The following CDC34 variants were observed in gnomAD, a reference collection of about 807,000 sequenced individuals.
CDC34 encodes cell division cycle 34, ubiquitin conjugating enzyme, also known as ubiquitin-conjugating enzyme E2 R1.
Under a neutral mutation model 26.8 loss-of-function variants are expected in CDC34, and 18 were observed. The ratio of observed to expected loss-of-function variants is 0.67; its 90% confidence interval spans 0.47 to 1.00. The LOEUF is 1.00. Ranked by LOEUF, CDC34 falls within the 50% of genes least tolerant of loss-of-function variation. CDC34 has a pLI of 0.00. For missense variants in CDC34, 280 were observed against 334.5 expected, an observed-to-expected ratio of 0.84 and a Z score of 1.27; for synonymous variants, 178 against 147.5, an observed-to-expected ratio of 1.21 and a Z score of -1.50.
chr19:541,521 A>G lies in CDC34; in HGVS notation c.680A>G (p.Asp227Gly). The change falls in exon 5 of 5, where the codon GAT (aspartate) becomes GGT (glycine). Residue 227 changes from aspartate (D) to glycine (G), a missense_variant. Asp to Gly is a moderately conservative substitution (Grantham distance 94, BLOSUM62 -1). Coordinates refer to ENST00000215574, the MANE Select transcript of CDC34 (RefSeq NM_004359.2). ...EEEADSCFGD[D>G]EDDSGTEES Reference sequence around the variant, plus strand: ...GAGGCCGACAGCTGCTTCGGGGACGATGAGGATGACTCTGGCACGGAGGAG... The same window carrying G: ...GAGGCCGACAGCTGCTTCGGGGACGGTGAGGATGACTCTGGCACGGAGGAG... 6.2e-7 allele frequency: 1 copy of G among 1,606,456 alleles called. No homozygotes were observed. The highest frequency in any genetic ancestry group is 8.5e-7 in the Non-Finnish European group (1 of 1,175,610).
chr19:533,363 C>T (rs1979585747), intron 1 of CDC34, among the ~76,000 whole-genome samples: 1 of 152,224 alleles, frequency 6.6e-6, no homozygotes, highest in Admixed American at 6.5e-5. Context: ...TGTCTGCTCT[C>T]CGAGCTAATT....
chr19:541,648 C>T lies in CDC34; in HGVS notation c.*96C>T, dbSNP rs1980024210. The T allele has an allele frequency of 7.4e-7, 1 of 1,357,536 alleles. No homozygotes were observed. Among genetic ancestry groups the T allele is most frequent in the Non-Finnish European group, 9.8e-7 (1 of 1,015,626 alleles). 84.1% of individuals were successfully genotyped at this position (1,357,536 alleles called of 1,614,324 possible). ...CCTCACGGAGGTTTTGTGCTGGTCC[C>T]CGTCTCCTCTGGTTGTTTCGTTTTG... On this transcript the variant is annotated 3_prime_UTR_variant, in exon 5 of 5. Coordinates refer to ENST00000215574, the MANE Select transcript of CDC34 (RefSeq NM_004359.2).
In CDC34 at chr19:536,228, C is replaced by T. The variant is rs372864316; in HGVS notation, c.265-15C>T. The T allele has an allele frequency of 2.5e-6, 4 of 1,595,760 alleles. No individual in the cohort carries two copies. The highest frequency in any genetic ancestry group is 2.6e-6 in the Non-Finnish European group (3 of 1,170,474). ...TGACCTCTGACCTGTTCTGACCTGT[C>T]TTCTTCTTGTGCAGACGGGGGACGT... is the stretch of plus-strand genomic sequence containing the variant. On this transcript the variant is annotated splice_polypyrimidine_tract_variant and intron_variant, in intron 2 of 4. Transcript: ENST00000215574.
At position 538,768 on chromosome 19, in the gene CDC34, G is replaced by A. The variant is rs886569086; in HGVS notation, c.497+1621G>A. ...TCGGGGCAGCATCCTGGTGCTGGGC[G>A]GTCTCGGCTCTGAGCAGCCATGGTG... is the stretch of plus-strand genomic sequence containing the variant. On this transcript the variant is annotated intron_variant, in intron 4 of 4. Transcript: ENST00000215574. 1.6e-5 allele frequency: 16 copies of A among 985,276 alleles called. No individual in the cohort carries two copies. In the East Asian group the frequency reaches 6.8e-4, roughly 42 times the overall value. The allele number at this position is 985,276 out of a possible 1,614,324, so 61.0% of individuals were successfully genotyped here. A position where few individuals can be genotyped will look rare whatever the true frequency, so the allele number is the denominator to read the frequency against.
rs59769036 is a variant in CDC34, at chr19:537,647, C to T, written c.497+500C>T. The stretch of plus-strand genomic sequence containing the variant: ...GATTACAGGCGTGAGCCACCGCGGC[C>T]GGCCTTTTTTTTTTTTTTTTTTTTT... On this transcript the variant is annotated intron_variant, in intron 4 of 4. Transcript: ENST00000215574. Among the ~76,000 whole-genome samples the T allele has an allele frequency of 1.5e-3, 112 of 74,830 alleles. 1 individual carries two copies. The East Asian group carries it at 0.056, about 38-fold the overall frequency. The allele number at this position is 74,830 out of a possible 152,430, so 49.1% of individuals were successfully genotyped here.
chr19:537,688 C>G (rs1267991243), intron 4 of CDC34, among the ~76,000 whole-genome samples: 1 of 99,138 alleles, frequency 1.0e-5, no homozygotes, highest in Non-Finnish European at 1.9e-5. Context: ...CAGAGTTATA[C>G]TCTCTTGCCT....
chr19:539,391 C>T (rs994159258), intron 4 of CDC34, among the ~76,000 whole-genome samples: 3 of 151,974 alleles, frequency 2.0e-5, no homozygotes, highest in African/African-American at 4.8e-5. Flanking sequence ...CGTCTCCCCA[C>T]TGCTGCCACC....
At chr19:532,249 G>A in intron 1 of CDC34, 141 bp downstream of exon 1, 1 of 588,316 alleles carries the variant, frequency 1.7e-6, no homozygotes, top group South Asian at 2.8e-5. Context: ...TCCCTTCTAT[G>A]GCCACGTTCC....
At chr19:537,234 CTTCCT>C in intron 4 of CDC34, 87 bp downstream of exon 4, 2 of 1,494,710 alleles carry the variant, frequency 1.3e-6, no homozygotes, top group Non-Finnish European at 1.8e-6. Flanking sequence ...CCAGCCCCAC[CTTCCT>C]GGTGAGGGTG....
chr19:539,853 C>T (rs964339045), intron 4 of CDC34, among the ~76,000 whole-genome samples: 4 of 152,186 alleles, frequency 2.6e-5, no homozygotes, highest in South Asian at 4.1e-4. Context: ...GCAGGTTCCT[C>T]GTAGGTCCTG....
Position 541,613 on chromosome 19 carries a change from C to G in CDC34, c.*61C>G. 1 of 1,487,746 alleles carries G rather than the reference C, an allele frequency of 6.7e-7. No individual in the cohort carries two copies. The highest frequency in any genetic ancestry group is 1.4e-5 in the South Asian group (1 of 72,792). The allele number at this position is 1,487,746 out of a possible 1,614,324, so 92.2% of individuals were successfully genotyped here. On this transcript the variant is annotated 3_prime_UTR_variant, in exon 5 of 5. Transcript: ENST00000215574. ...AGGGCCGGACCCGTGGCTCCTTAGA[C>G]GACAGACTACCTCACGGAGGTTTTG...
chr19:539,428 T>G (rs914770698), intron 4 of CDC34, among the ~76,000 whole-genome samples: 2 of 150,926 alleles, frequency 1.3e-5, no homozygotes, highest in Non-Finnish European at 3.0e-5. Context: ...CGGGGCACTG[T>G]CAGTCACCCC....
rs1381254137 is a variant in CDC34, at chr19:541,341, A to T, written c.500A>T (p.Lys167Met). Residue 167 changes from lysine (K) to methionine (M), a missense_variant and splice_region_variant, in exon 5 of 5, where the codon AAG becomes ATG. Lys to Met is a moderately conservative substitution (Grantham distance 95, BLOSUM62 -1). Transcript: ENST00000215574. ...CCTCACCCACCCTGTCCCCCCAGGA[A>T]GCAGGTCCTGGGGACCAAGGTGGAC... is the stretch of plus-strand genomic sequence containing the variant. ...KDREYTDIIR[K>M]QVLGTKVDAE... is the part of the protein sequence containing the mutation. The T allele has an allele frequency of 7.7e-6, 12 of 1,568,292 alleles. No individual in the cohort carries two copies. Among genetic ancestry groups the T allele is most frequent in the Non-Finnish European group, 1.0e-5 (12 of 1,159,804 alleles).
intron 3 of CDC34, chr19:536,759 TGTGAGGGCAGCCCCGG>T (rs1979774696): frequency 1.8e-6 from 1 of 564,734 alleles, no homozygotes; most frequent in South Asian, 2.0e-5. Flanking sequence ...GACGTGCGGG[TGTGAGGGCAGCCCCGG>T]GTCTGACGGA....
At chr19:539,356 G>T (rs1468533816) in intron 4 of CDC34, among the ~76,000 whole-genome samples, 2 of 108,652 alleles carry the variant, frequency 1.8e-5, no homozygotes, top group African/African-American at 7.4e-5. Flanking sequence ...CACCCCCCCA[G>T]CCCGTCCACC....
At position 536,379 on chromosome 19, in the gene CDC34, A is replaced by T. The variant is rs1979752132; in HGVS notation, c.362+39A>T. On this transcript the variant is annotated intron_variant, in intron 3 of 4. Transcript: ENST00000215574. Reference sequence around the variant, plus strand: ...ACCCCCTGTGTCCACCCAGAACATCAGGTAGGCCGGGCTCCGTCCCGTATC... The same window carrying T: ...ACCCCCTGTGTCCACCCAGAACATCTGGTAGGCCGGGCTCCGTCCCGTATC... 2.0e-6 allele frequency: 3 copies of T among 1,484,430 alleles called. No homozygotes were observed. The African/African-American group carries it at 4.8e-5, about 24-fold the overall frequency. 92.0% of individuals were successfully genotyped at this position (1,484,430 alleles called of 1,614,324 possible). A position where few individuals can be genotyped will look rare whatever the true frequency, so the allele number is the denominator to read the frequency against.
rs915333300 is a variant in CDC34 at position 531,761 on chromosome 19, G to C, written c.-171G>C. 2 of 178,646 alleles carry C rather than the reference G, an allele frequency of 1.1e-5. No individual in the cohort carries two copies. Among genetic ancestry groups the C allele is most frequent in the African/African-American group, 4.8e-5 (2 of 41,384 alleles). 11.1% of individuals were successfully genotyped at this position (178,646 alleles called of 1,614,324 possible). A position where few individuals can be genotyped will look rare whatever the true frequency, so the allele number is the denominator to read the frequency against. ...AAGCGCCGGTGGGGCGGCGGCGCCAGAGCTGCTGGAGCGCTCGGGGTCCCC... is the reference window on the plus strand; with the variant it reads ...AAGCGCCGGTGGGGCGGCGGCGCCACAGCTGCTGGAGCGCTCGGGGTCCCC... On this transcript the variant is annotated 5_prime_UTR_variant, in exon 1 of 5. Coordinates refer to ENST00000215574, the MANE Select transcript of CDC34 (RefSeq NM_004359.2).
intron 1 of CDC34, among the ~76,000 whole-genome samples, 154 bp downstream of exon 1, chr19:532,262 C>G (rs1253584058): frequency 6.6e-6 from 1 of 152,144 alleles, no homozygotes; most frequent in East Asian, 1.9e-4. Flanking sequence ...CACGTTCCCC[C>G]ACCCAGCTCT....
chr19:534,837 G>A (rs1390361183), intron 1 of CDC34, among the ~76,000 whole-genome samples: 7 of 43,258 alleles, frequency 1.6e-4, no homozygotes, highest in East Asian at 6.7e-4. Flanking sequence ...TCCAGACCTC[G>A]CCCACGATCC....
Sources: allele counts gnomAD v4.1 joint callset (sites outside exome capture counted in the v4.1 genomes callset), GRCh38; gene constraint gnomAD v4.1.1; transcripts MANE v1.5; gene names NCBI Gene and HGNC (gene_info 2026-07-23, HGNC 2026-07-21).